Variants in FAM83B observed in about 807,000 individuals in gnomAD.
FAM83B encodes protein FAM83B.
A neutral mutation model predicts 38.8 loss-of-function variants in FAM83B; 26 were observed. That is an observed-to-expected ratio of 0.67 (90% CI 0.49 to 0.93). FAM83B has a LOEUF of 0.93. Among genes scored for constraint, FAM83B ranks in the 40% least tolerant of loss-of-function variants. The pLI is 0.00. For synonymous variants in FAM83B, 419 were observed against 423.1 expected, an observed-to-expected ratio of 0.99 and a Z score of 0.12; for missense variants, 1,237 against 1,197.3, an observed-to-expected ratio of 1.03 and a Z score of -0.49.
At chr6:54,918,075 A>C (rs1348642474) in intron 2 of FAM83B, among the ~76,000 whole-genome samples, 1 of 152,164 alleles carries the variant, frequency 6.6e-6, no homozygotes, top group Non-Finnish European at 1.5e-5. Flanking sequence ...AAAATTGAGA[A>C]TGAAGGAAAA....
At chr6:54,912,930 A>G (rs1772946094) in intron 2 of FAM83B, among the ~76,000 whole-genome samples, 1 of 152,092 alleles carries the variant, frequency 6.6e-6, no homozygotes, top group Non-Finnish European at 1.5e-5. Context: ...ATGTAGGAAT[A>G]TATTACATTA....
chr6:54,910,775 C>T (rs9475065), intron 2 of FAM83B, among the ~76,000 whole-genome samples: 1,944 of 152,256 alleles, frequency 0.013, 46 homozygotes, highest in African/African-American at 0.044. Context: ...ATAGAATCCC[C>T]TTTGCCAATT....
chr6:54,849,560 T>C (rs926018952), intron 1 of FAM83B, among the ~76,000 whole-genome samples: 1 of 151,844 alleles, frequency 6.6e-6, no homozygotes, highest in African/African-American at 2.4e-5. Context: ...GGGGCTGTGA[T>C]GCTGTAAGGA....
At chr6:54,929,049 A>C (rs1292729668) in intron 4 of FAM83B, among the ~76,000 whole-genome samples, 3 of 152,196 alleles carry the variant, frequency 2.0e-5, no homozygotes, top group Admixed American at 6.5e-5. Context: ...ACCATGGATT[A>C]TAAAAAATTT....
At chr6:54,868,904 T>C (rs796534710) in intron 1 of FAM83B, among the ~76,000 whole-genome samples, 4 of 152,354 alleles carry the variant, frequency 2.6e-5, no homozygotes, top group African/African-American at 7.2e-5. Flanking sequence ...TCCACTAAGA[T>C]GGTAAATGGA....
intron 2 of FAM83B, among the ~76,000 whole-genome samples, chr6:54,907,300 G>A (rs7453441): frequency 0.066 from 10,079 of 151,700 alleles, 442 homozygotes; most frequent in South Asian, 0.16. Flanking sequence ...GCTATTTTTC[G>A]TAGATTGTTT....
At chr6:54,923,673 A>C (rs1773220448) in intron 2 of FAM83B, among the ~76,000 whole-genome samples, 3 of 151,926 alleles carry the variant, frequency 2.0e-5, no homozygotes. Context: ...TGGAATCTTC[A>C]CTCTGAGTTG....
Position 54,940,633 on chromosome 6 carries a change from G to T in FAM83B, c.1662G>T (p.Lys554Asn). Reference protein sequence around the residue: ...LVFKPTLPEQKEVNSCTTGSS... With the variant: ...LVFKPTLPEQNEVNSCTTGSS... ...TTAAACCCACTTTACCTGAGCAAAAGGAAGTTAACAGTTGTACAACTGGCT... is the reference window on the plus strand; with the variant it reads ...TTAAACCCACTTTACCTGAGCAAAATGAAGTTAACAGTTGTACAACTGGCT... The change falls in exon 5 of 5, where the codon AAG becomes AAT. Residue 554 changes from lysine (K) to asparagine (N), a missense_variant. Coordinates refer to ENST00000306858, the MANE Select transcript of FAM83B (RefSeq NM_001010872.3). 6.2e-7 allele frequency: 1 copy of T among 1,613,992 alleles called. No individual in the cohort carries two copies. Among genetic ancestry groups the T allele is most frequent in the Non-Finnish European group, 8.5e-7 (1 of 1,179,988 alleles).
At chr6:54,904,980 A>G (rs1274649188) in intron 2 of FAM83B, among the ~76,000 whole-genome samples, 1 of 152,164 alleles carries the variant, frequency 6.6e-6, no homozygotes, top group African/African-American at 2.4e-5. Context: ...GAAAGGAAAG[A>G]CATTCTGGCA....
At chr6:54,867,650 G>C (rs762549560) in intron 1 of FAM83B, among the ~76,000 whole-genome samples, 24 of 151,914 alleles carry the variant, frequency 1.6e-4, no homozygotes, top group Non-Finnish European at 3.2e-4. Context: ...ATTTATCTAT[G>C]TTTTCATGGT....
Position 54,913,016 on chromosome 6 carries a change from A to G in FAM83B, c.445-13355A>G, listed in dbSNP as rs977020892. Among the ~76,000 whole-genome samples the G allele has an allele frequency of 3.3e-5, 5 of 152,068 alleles. No individual in the cohort carries two copies. In the South Asian group the frequency reaches 8.3e-4, roughly 25 times the overall value. The stretch of plus-strand genomic sequence containing the variant: ...CATTTAAGTTTTTTACTCAAATGGA[A>G]ATTACTAAAAAATAAATAGGACTAT... On this transcript the variant is annotated intron_variant, in intron 2 of 4. Transcript: ENST00000306858.
chr6:54,849,674 A>G (rs559161040), intron 1 of FAM83B, among the ~76,000 whole-genome samples: 6 of 150,864 alleles, frequency 4.0e-5, no homozygotes, highest in African/African-American at 1.5e-4. Context: ...ACGGTAGGAA[A>G]CTTTTCCTCT....
At chr6:54,913,054 C>T (rs72957235) in intron 2 of FAM83B, among the ~76,000 whole-genome samples, 1 of 151,958 alleles carries the variant, frequency 6.6e-6, no homozygotes, top group Non-Finnish European at 1.5e-5. Context: ...TTTTCCTTTG[C>T]AGTATATTTG....
rs9296772 is a variant in FAM83B, at chr6:54,942,783, C to T, written c.*776C>T. ...ACAAACCAGTAGGAATTTAGAAAAT[C>T]TGAATGATTCCCCCTCCTTTTTCTA... On this transcript the variant is annotated 3_prime_UTR_variant, in exon 5 of 5. Transcript: ENST00000306858. Among the ~76,000 whole-genome samples the T allele has an allele frequency of 0.054, 8,223 of 151,450 alleles. 758 individuals carry two copies. The highest frequency in any genetic ancestry group is 0.19 in the African/African-American group (7,694 of 40,828).
chr6:54,857,570 G>T (rs1424822755), intron 1 of FAM83B, among the ~76,000 whole-genome samples: 2 of 151,962 alleles, frequency 1.3e-5, no homozygotes, highest in Non-Finnish European at 2.9e-5. Flanking sequence ...ATACCGTGAG[G>T]GCAGAACTGA....
intron 2 of FAM83B, among the ~76,000 whole-genome samples, chr6:54,905,608 C>G (rs1772760552): frequency 6.6e-6 from 1 of 152,046 alleles, no homozygotes; most frequent in South Asian, 2.1e-4. Context: ...TTCCTCCTGT[C>G]TAAAACTTTG....
chr6:54,882,153 C>A (rs1344583554), intron 2 of FAM83B, among the ~76,000 whole-genome samples: 1 of 152,166 alleles, frequency 6.6e-6, no homozygotes, highest in Non-Finnish European at 1.5e-5. Flanking sequence ...TTTCTTAATC[C>A]AGTCTATCAC....
At position 54,944,000 on chromosome 6, in the gene FAM83B, T is replaced by C. The variant is rs1329879948; in HGVS notation, c.*1993T>C. On this transcript the variant is annotated 3_prime_UTR_variant, in exon 5 of 5. Transcript: ENST00000306858. ...GAGGAATACAGAATGCTTTATTTCA[T>C]CATCCCCTGACAGGTGACTTAGGCT... is the stretch of plus-strand genomic sequence containing the variant. 2.0e-5 allele frequency: 3 copies of C among 152,200 alleles called. No individual in the cohort carries two copies. Among genetic ancestry groups the C allele is most frequent in the Non-Finnish European group, 4.4e-5 (3 of 68,026 alleles). The allele number at this position is 152,200 out of a possible 1,614,324, so 9.4% of individuals were successfully genotyped here.
intron 2 of FAM83B, among the ~76,000 whole-genome samples, chr6:54,917,161 C>G (rs1473304826): frequency 6.6e-6 from 1 of 152,124 alleles, no homozygotes; most frequent in Admixed American, 6.5e-5. Flanking sequence ...ATACTGTGTA[C>G]TCTTTGAGAA....
Sources: allele counts gnomAD v4.1 joint callset (sites outside exome capture counted in the v4.1 genomes callset), GRCh38; gene constraint gnomAD v4.1.1; transcripts MANE v1.5; gene names NCBI Gene and HGNC (gene_info 2026-07-23, HGNC 2026-07-21).